NUDCD1: variants seen among roughly 807,000 people sequenced by gnomAD.
NUDCD1 encodes the protein nudC domain-containing protein 1.
Under a neutral mutation model 67.8 loss-of-function variants are expected in NUDCD1, and 60 were observed. The observed-to-expected ratio is 0.88, with a 90% CI of 0.72 to 1.10. NUDCD1 has a LOEUF of 1.10. Ranked by LOEUF, NUDCD1 falls within the 50% of genes least tolerant of loss-of-function variation. The probability of loss-of-function intolerance (pLI) is 0.00; values close to 1 mark genes in which losing one functional copy is unlikely to be tolerated. For missense variants in NUDCD1, 643 were observed against 695.0 expected (o/e 0.93, Z 0.84); for synonymous variants, 244 against 230.8 (o/e 1.06, Z -0.52).
intron 1 of NUDCD1, 119 bp downstream of exon 1, chr8:109,333,774 G>A (rs1206304421): frequency 4.5e-6 from 5 of 1,122,540 alleles, no homozygotes; most frequent in Admixed American, 2.1e-5. Flanking sequence ...GTGAGTCCAC[G>A]CAAGCCGCCA....
chr8:109,273,632 C>T (rs556753364), intron 7 of NUDCD1, among the ~76,000 whole-genome samples: 13 of 152,182 alleles, frequency 8.5e-5, no homozygotes, highest in African/African-American at 3.1e-4. Context: ...AGACCTATAT[C>T]TGTTAAAAGA....
At chr8:109,322,264 G>T in intron 2 of NUDCD1, 45 bp downstream of exon 2, 1 of 1,065,138 alleles carries the variant, frequency 9.4e-7, no homozygotes, top group Non-Finnish European at 1.3e-6. Flanking sequence ...AAATTTGCTT[G>T]ATATTACATA....
At chr8:109,282,688 G>C (rs1001048165) in intron 5 of NUDCD1, among the ~76,000 whole-genome samples, 1 of 151,294 alleles carries the variant, frequency 6.6e-6, no homozygotes, top group Non-Finnish European at 1.5e-5. Context: ...GTCGGGGGGT[G>C]GGGGGCTAGG....
intron 6 of NUDCD1, among the ~76,000 whole-genome samples, chr8:109,276,256 G>A (rs1204632972): frequency 1.3e-5 from 2 of 152,148 alleles, no homozygotes; most frequent in African/African-American, 4.8e-5. Context: ...TACGGACATA[G>A]GAGAAGAAGT....
intron 8 of NUDCD1, among the ~76,000 whole-genome samples, chr8:109,265,719 G>C (rs1391595705): frequency 6.6e-6 from 1 of 152,152 alleles, no homozygotes; most frequent in African/African-American, 2.4e-5. Flanking sequence ...GGGGGTTCCA[G>C]GATGAAACCT....
intron 2 of NUDCD1, among the ~76,000 whole-genome samples, chr8:109,302,009 C>T (rs1485204996): frequency 6.6e-6 from 1 of 152,142 alleles, no homozygotes; most frequent in East Asian, 1.9e-4. Context: ...CTGCTCACTA[C>T]CTCCCTTCTC....
intron 1 of NUDCD1, among the ~76,000 whole-genome samples, chr8:109,332,177 T>G (rs886828807): frequency 6.6e-6 from 1 of 151,992 alleles, no homozygotes; most frequent in Non-Finnish European, 1.5e-5. Context: ...CAAATCAAGA[T>G]AGAATTTAAA....
At chr8:109,333,758 G>T in intron 1 of NUDCD1, 135 bp downstream of exon 1, 2 of 903,242 alleles carry the variant, frequency 2.2e-6, no homozygotes, top group Non-Finnish European at 3.4e-6. Context: ...AGAAGCAGCG[G>T]CCTCCGTGAG....
chr8:109,317,788 C>A (rs1385533705), intron 2 of NUDCD1, among the ~76,000 whole-genome samples: 1 of 152,238 alleles, frequency 6.6e-6, no homozygotes, highest in East Asian at 1.9e-4. Flanking sequence ...TTGCATAATG[C>A]CTTCCACTTT....
Position 109,241,143 on chromosome 8 carries a change from C to G in NUDCD1, c.*1866G>C, listed in dbSNP as rs984132142. ...TTGAAATCACGGCTCTAGACCTATT[C>G]ATCTTTTAACGTAGGTCAACATGCG... On this transcript the variant is annotated 3_prime_UTR_variant, in exon 10 of 10. Transcript: ENST00000239690. 1.3e-5 allele frequency: 2 copies of G among 152,050 alleles called. No homozygotes were observed. The highest frequency in any genetic ancestry group is 3.9e-4 in the East Asian group (2 of 5,190). The allele number at this position is 152,050 out of a possible 1,614,324, so 9.4% of individuals were successfully genotyped here. A position where few individuals can be genotyped will look rare whatever the true frequency, so the allele number is the denominator to read the frequency against.
At chr8:109,312,288 G>A (rs1048303753) in intron 2 of NUDCD1, among the ~76,000 whole-genome samples, 12 of 117,948 alleles carry the variant, frequency 1.0e-4, no homozygotes, top group Admixed American at 4.9e-4. Context: ...GCAACAGAGC[G>A]AGACACTGTC....
chr8:109,332,472 G>T (rs923257124), intron 1 of NUDCD1, among the ~76,000 whole-genome samples: 4 of 152,136 alleles, frequency 2.6e-5, no homozygotes, highest in Non-Finnish European at 4.4e-5. Context: ...AAAGTCAAGA[G>T]GAGACCATGT....
intron 6 of NUDCD1, among the ~76,000 whole-genome samples, chr8:109,279,384 C>G (rs1294592952): frequency 6.6e-6 from 1 of 152,068 alleles, no homozygotes; most frequent in Non-Finnish European, 1.5e-5. Flanking sequence ...TGCTTACTAG[C>G]TGTTCATCTA....
intron 9 of NUDCD1, among the ~76,000 whole-genome samples, 156 bp from the exon 10 acceptor site, chr8:109,243,457 A>C (rs1813423042): frequency 6.6e-6 from 1 of 152,214 alleles, no homozygotes; most frequent in Non-Finnish European, 1.5e-5. Flanking sequence ...ATCATTAACG[A>C]TTAGCCACAA....
intron 8 of NUDCD1, among the ~76,000 whole-genome samples, chr8:109,246,724 A>T (rs544974589): frequency 0.021 from 3,151 of 152,324 alleles, 108 homozygotes; most frequent in African/African-American, 0.072. Flanking sequence ...GAATACCAAC[A>T]AAAATCACAT....
chr8:109,326,211 T>G (rs1180532214), intron 1 of NUDCD1, among the ~76,000 whole-genome samples: 1 of 152,216 alleles, frequency 6.6e-6, no homozygotes, highest in African/African-American at 2.4e-5. Context: ...CATGATTGTT[T>G]CATTCCAACA....
intron 5 of NUDCD1, among the ~76,000 whole-genome samples, chr8:109,282,994 T>C (rs540292467): frequency 6.6e-6 from 1 of 152,120 alleles, no homozygotes; most frequent in African/African-American, 2.4e-5. Context: ...AAAGCATGGA[T>C]TGCAAGGAAG....
chr8:109,243,440 A>T, intron 9 of NUDCD1, 139 bp from the exon 10 acceptor site: 1 of 578,576 alleles, frequency 1.7e-6, no homozygotes, highest in Non-Finnish European at 2.8e-6. Context: ...AAGGTATATA[A>T]TTCTGAATCA....
chr8:109,313,847 A>G lies in NUDCD1; in HGVS notation c.273+8462T>C, dbSNP rs559782293. 66 of 1,104,930 alleles carry G rather than the reference A, an allele frequency of 6.0e-5. No individual in the cohort carries two copies. In the South Asian group the frequency reaches 8.2e-4, roughly 14 times the overall value. The allele number at this position is 1,104,930 out of a possible 1,614,324, so 68.4% of individuals were successfully genotyped here. The stretch of plus-strand genomic sequence containing the variant: ...AGAAGTCTAATTATCAATCAGATAA[A>G]TGGGTACAATATCCAATAGAATGAT... On this transcript the variant is annotated intron_variant, in intron 2 of 9. Coordinates refer to ENST00000239690, the MANE Select transcript of NUDCD1 (RefSeq NM_032869.4).
Sources: gnomAD v4.1 joint callset for allele counts (sites outside exome capture counted in the v4.1 genomes callset) on GRCh38, gnomAD v4.1.1 for gene constraint, MANE v1.5 for transcripts, NCBI Gene and HGNC (gene_info 2026-07-23, HGNC 2026-07-21) for gene names.